Variants in IGSF11 observed in about 807,000 individuals in gnomAD.
IGSF11 encodes the protein immunoglobulin superfamily member 11, also known as CXADR like 1.
In IGSF11, 22 loss-of-function variants were observed where a neutral mutation model predicts 41.0. That is an observed-to-expected ratio of 0.54 (90% confidence interval 0.38 to 0.77). IGSF11 has a LOEUF of 0.77. Ranked by LOEUF, IGSF11 falls within the 30% of genes least tolerant of loss-of-function variation. The probability of loss-of-function intolerance (pLI) is 0.00; values close to 1 mark genes in which losing one functional copy is unlikely to be tolerated. For synonymous variants in IGSF11, 219 were observed against 201.3 expected (o/e 1.09, Z -0.74); for missense variants, 444 against 530.8 (o/e 0.84, Z 1.61).
chr3:119,101,101 C>G (rs183229609), intron 1 of IGSF11, among the ~76,000 whole-genome samples: 138 of 152,354 alleles, frequency 9.1e-4, no homozygotes, highest in African/African-American at 3.0e-3. Context: ...AATCCATCCA[C>G]TTCTCTCCGT....
At chr3:119,112,143 A>C (rs2077175473) in intron 1 of IGSF11, among the ~76,000 whole-genome samples, 2 of 152,178 alleles carry the variant, frequency 1.3e-5, no homozygotes, top group African/African-American at 4.8e-5. Context: ...AGGGACATTT[A>C]AGACTGCAGA....
At chr3:119,007,865 CAAGCTGCCTA>C in intron 1 of IGSF11, among the ~76,000 whole-genome samples, 1 of 152,142 alleles carries the variant, frequency 6.6e-6, no homozygotes, top group Non-Finnish European at 1.5e-5. Context: ...TTTTTCTAGT[CAAGCTGCCTA>C]AATATGTAGT....
chr3:119,132,378 C>CAAAAAAA (rs58700219), intron 1 of IGSF11, among the ~76,000 whole-genome samples: 1 of 39,784 alleles, frequency 2.5e-5, no homozygotes, highest in Non-Finnish European at 4.1e-5. Flanking sequence ...AAACAGAAAG[C>CAAAAAAA]AAAAAAAAAA....
At chr3:119,131,322 A>C (rs554666959) in intron 1 of IGSF11, among the ~76,000 whole-genome samples, 1 of 152,168 alleles carries the variant, frequency 6.6e-6, no homozygotes, top group Admixed American at 6.5e-5. Flanking sequence ...GGTTAGATGA[A>C]TGGGTACTAG....
intron 1 of IGSF11, among the ~76,000 whole-genome samples, chr3:119,134,211 C>T (rs986628954): frequency 6.6e-6 from 1 of 152,028 alleles, no homozygotes; most frequent in Admixed American, 6.6e-5. Context: ...GAAGTTCTGG[C>T]CAAGGCAATC....
intron 1 of IGSF11, among the ~76,000 whole-genome samples, chr3:119,103,283 C>T (rs934872083): frequency 5.9e-5 from 9 of 152,150 alleles, no homozygotes; most frequent in South Asian, 2.1e-4. Context: ...AGGCGTGAGC[C>T]GCCGCGCCCG....
intron 1 of IGSF11, among the ~76,000 whole-genome samples, chr3:118,945,670 A>G (rs939896530): frequency 1.3e-5 from 2 of 152,232 alleles, no homozygotes; most frequent in African/African-American, 4.8e-5. Flanking sequence ...ATTTCTAAGC[A>G]GATTAACTAA....
At chr3:119,058,902 C>T (rs1459546723) in intron 1 of IGSF11, among the ~76,000 whole-genome samples, 1 of 151,802 alleles carries the variant, frequency 6.6e-6, no homozygotes, top group Non-Finnish European at 1.5e-5. Flanking sequence ...CATGTTCTCA[C>T]TCATAGGTGG....
intron 1 of IGSF11, among the ~76,000 whole-genome samples, chr3:119,092,853 T>C (rs559010270): frequency 6.6e-6 from 1 of 152,292 alleles, no homozygotes; most frequent in African/African-American, 2.4e-5. Flanking sequence ...TCTGATACAA[T>C]TGCCTACAGT....
intron 1 of IGSF11, among the ~76,000 whole-genome samples, chr3:119,019,733 T>C (rs531042009): frequency 1.3e-5 from 2 of 152,242 alleles, no homozygotes; most frequent in African/African-American, 4.8e-5. Context: ...TGCTCCTCCG[T>C]GAGGGTATTC....
intron 1 of IGSF11, among the ~76,000 whole-genome samples, chr3:119,046,375 A>C (rs1321593796): frequency 6.6e-6 from 1 of 152,192 alleles, no homozygotes; most frequent in African/African-American, 2.4e-5. Flanking sequence ...GATGCAATCA[A>C]CTGGAAGAAA....
chr3:119,054,625 C>T (rs1028802116), intron 1 of IGSF11, among the ~76,000 whole-genome samples: 4 of 152,086 alleles, frequency 2.6e-5, no homozygotes, highest in African/African-American at 4.8e-5. Flanking sequence ...AGTGTAGAGG[C>T]TCCTTAAAGA....
intron 1 of IGSF11, among the ~76,000 whole-genome samples, chr3:119,017,806 G>A (rs1237844056): frequency 1.7e-5 from 2 of 119,994 alleles, no homozygotes; most frequent in Non-Finnish European, 3.3e-5. Flanking sequence ...TTTTGAGACA[G>A]AGTTTCACTC....
rs12386368 is a variant in IGSF11, at chr3:119,003,380, C to A, written c.52+31151G>T. The stretch of plus-strand genomic sequence containing the variant: ...AGCTTAAGGAGATTTTGGGCTGAGA[C>A]GATGGGGTTTTCCAGATAAACAATC... On this transcript the variant is annotated intron_variant, in intron 1 of 6. Coordinates refer to ENST00000393775, the MANE Select transcript of IGSF11 (RefSeq NM_001015887.3). Among the ~76,000 whole-genome samples the A allele has an allele frequency of 2.8e-4, 42 of 149,522 alleles. 1 individual carries two copies. Among genetic ancestry groups the A allele is most frequent in the African/African-American group, 1.0e-3 (40 of 39,380 alleles).
intron 1 of IGSF11, chr3:119,105,076 C>T (rs923047052): frequency 1.9e-5 from 19 of 1,009,702 alleles, no homozygotes; most frequent in Non-Finnish European, 2.8e-5. Context: ...AAGCCTTTCA[C>T]TCAGCCAGGC....
intron 1 of IGSF11, among the ~76,000 whole-genome samples, chr3:119,031,269 T>C (rs1327008951): frequency 7.8e-6 from 1 of 128,112 alleles, no homozygotes; most frequent in Non-Finnish European, 1.7e-5. Context: ...AATAAATAAA[T>C]AAATAAACAA....
At chr3:118,931,727 A>G (rs1038357900) in intron 1 of IGSF11, among the ~76,000 whole-genome samples, 1 of 143,324 alleles carries the variant, frequency 7.0e-6, no homozygotes. Flanking sequence ...TGCAAGCTTA[A>G]AAGTCACTGA....
intron 1 of IGSF11, among the ~76,000 whole-genome samples, chr3:119,144,648 C>T (rs552166322): frequency 2.0e-4 from 31 of 152,218 alleles, no homozygotes; most frequent in Non-Finnish European, 3.8e-4. Flanking sequence ...GCAAAAGCAT[C>T]AGCTCAGAGG....
chr3:119,104,412 G>A (rs1271543528), intron 1 of IGSF11, among the ~76,000 whole-genome samples: 1 of 152,002 alleles, frequency 6.6e-6, no homozygotes, highest in Admixed American at 6.6e-5. Flanking sequence ...CTCTTTGCCT[G>A]GAATAGGCTT....
Sources: allele counts gnomAD v4.1 joint callset (sites outside exome capture counted in the v4.1 genomes callset), GRCh38; gene constraint gnomAD v4.1.1; transcripts MANE v1.5; gene names NCBI Gene and HGNC (gene_info 2026-07-23, HGNC 2026-07-21).